The following SLIT1 variants were observed in gnomAD, a reference collection of about 807,000 sequenced individuals.
SLIT1 encodes the protein slit guidance ligand 1, also known as slit homolog 1 protein.
SLIT1 carries 66 observed loss-of-function variants against 186.1 expected under a neutral mutation model. The ratio of observed to expected loss-of-function variants is 0.35; its 90% CI spans 0.29 to 0.44. The LOEUF (loss-of-function observed/expected upper bound fraction) is 0.44, where lower values mean the gene tolerates loss of function less well. Among genes scored for constraint, SLIT1 ranks in the 20% least tolerant of loss-of-function variants. The pLI is 1.00. For synonymous variants in SLIT1, 761 were observed against 833.8 expected (o/e 0.91, Z 1.50); for missense variants, 1,638 against 2,037.4 (o/e 0.80, Z 3.77).
At chr10:97,135,527 G>A (rs549007133) in intron 4 of SLIT1, among the ~76,000 whole-genome samples, 12 of 152,162 alleles carry the variant, frequency 7.9e-5, no homozygotes, top group Non-Finnish European at 1.3e-4. Context: ...CAAGCTCAGC[G>A]TCCTGGGAAC....
chr10:97,022,186 C>T lies in SLIT1; in HGVS notation c.2583-773G>A, dbSNP rs1030975950. The stretch of plus-strand genomic sequence containing the variant: ...CTCTCCATCTCAAAGATGTGGGCAC[C>T]GAGCCTCCCATGGAATAAGTAATTT... On this transcript the variant is annotated intron_variant, in intron 25 of 36. Transcript: ENST00000266058. The surrounding 1 kb of genome is among the most constrained non-coding windows in gnomAD (Gnocchi z 4.2). 3.3e-5 allele frequency among the ~76,000 whole-genome samples: 5 copies of T among 152,184 alleles called. No individual in the cohort carries two copies. Among genetic ancestry groups the T allele is most frequent in the South Asian group, 2.1e-4 (1 of 4,828 alleles).
At chr10:97,133,733 A>C (rs1740299693) in intron 4 of SLIT1, among the ~76,000 whole-genome samples, 1 of 152,180 alleles carries the variant, frequency 6.6e-6, no homozygotes, top group African/African-American at 2.4e-5. Context: ...GATTACATAT[A>C]ATGACATATC....
intron 23 of SLIT1, among the ~76,000 whole-genome samples, chr10:97,034,157 G>A (rs1021299558): frequency 2.6e-5 from 4 of 152,160 alleles, no homozygotes; most frequent in East Asian, 1.9e-4. Context: ...GAGCCACTGC[G>A]CCTGGCCGAG....
At chr10:97,157,287 C>T (rs1849964334) in intron 4 of SLIT1, 1 of 152,436 alleles carries the variant, frequency 6.6e-6, no homozygotes, top group African/African-American at 2.4e-5. Flanking sequence ...CATGGTGCAG[C>T]AGAATTAGCA....
Position 97,004,823 on chromosome 10 carries a change from C to T in SLIT1, c.3580G>A (p.Val1194Ile), listed in dbSNP as rs1206501951. 1 of 1,614,124 alleles carries T rather than the reference C, an allele frequency of 6.2e-7. No individual in the cohort carries two copies. The highest frequency in any genetic ancestry group is 1.7e-5 in the Admixed American group (1 of 60,014). Residue 1194 changes from valine to isoleucine, a missense_variant and splice_region_variant, in exon 33 of 37, where the codon GTC becomes ATC. This residue lies in a region of SLIT1 where 173 missense variants were observed against 290.9 expected (regional missense o/e 0.59). Transcript: ENST00000266058. The surrounding 1 kb of genome is among the most constrained non-coding windows in gnomAD (Gnocchi z 5.1). ...NWPRANITLQVSTAEDNGILL... is the reference protein window; with the variant it reads ...NWPRANITLQISTAEDNGILL... ...ATCCCATTGTCCTCTGCCGTGGAGA[C>T]CTGATGGGCAGTGGCACTTTCTCTC...
At chr10:97,133,559 A>G (rs1233035635) in intron 4 of SLIT1, among the ~76,000 whole-genome samples, 2 of 152,222 alleles carry the variant, frequency 1.3e-5, no homozygotes, top group Non-Finnish European at 2.9e-5. Flanking sequence ...AGTTTTATGA[A>G]GTCAAAATGT....
intron 4 of SLIT1, among the ~76,000 whole-genome samples, chr10:97,149,723 T>C (rs779794114): frequency 1.3e-5 from 2 of 152,116 alleles, no homozygotes; most frequent in Non-Finnish European, 2.9e-5. Flanking sequence ...GGTAAGTATG[T>C]GGGTTTGGGG....
chr10:97,059,466 T>A lies in SLIT1; in HGVS notation c.1079A>T (p.Asn360Ile). ...PDAFQGLRSL[N>I]SLVLYGNKIT... The stretch of plus-strand genomic sequence containing the variant: ...CCTTGGCACTGCTACTCACAGCGAG[T>A]TCAGGGAGCGGAGGCCCTGGAAGGC... Residue 360 changes from asparagine to isoleucine, a missense_variant, in exon 11 of 37, where the codon AAC (asparagine) becomes ATC (isoleucine). Transcript: ENST00000266058. 6.2e-7 allele frequency: 1 copy of A among 1,613,528 alleles called. No homozygotes were observed. The highest frequency in any genetic ancestry group is 8.5e-7 in the Non-Finnish European group (1 of 1,179,868).
rs1019719321 is a variant in SLIT1 at position 97,185,414 on chromosome 10, G to A, written c.197+64C>T. 7.6e-5 allele frequency: 116 copies of A among 1,522,412 alleles called. 1 individual carries two copies. Among genetic ancestry groups the A allele is most frequent in the Non-Finnish European group, 9.7e-5 (108 of 1,118,202 alleles). The allele number at this position is 1,522,412 out of a possible 1,614,324, so 94.3% of individuals were successfully genotyped here. ...GGTCCTGCCCCCACCCCCAAGTCCG[G>A]AATTGCGTCTGGGTGGGAGGGCAAC... is the stretch of plus-strand genomic sequence containing the variant. On this transcript the variant is annotated intron_variant, in intron 1 of 36. Transcript: ENST00000266058.
chr10:97,091,356 T>G (rs2134663330), intron 4 of SLIT1, among the ~76,000 whole-genome samples: 1 of 152,330 alleles, frequency 6.6e-6, no homozygotes, highest in East Asian at 1.9e-4. Context: ...CACTACTGAT[T>G]AGGGTCTGTC....
In SLIT1 at chr10:97,042,982, TC is replaced by T; in HGVS notation, c.2082del (p.Asn695ThrfsTer97). The T allele has an allele frequency of 6.2e-7, 1 of 1,614,234 alleles. No homozygotes were observed. Among genetic ancestry groups the T allele is most frequent in the Non-Finnish European group, 8.5e-7 (1 of 1,180,044 alleles). On this transcript the variant is annotated frameshift_variant, in exon 20 of 37. Transcript: ENST00000266058. LOFTEE classifies it high-confidence loss of function. ...AAGTCAGGGTTCTGGCATCGCGGGT[TC>T]CCCGTCACGATCTTGCGCTTCCGTA... Reference protein sequence around the residue: ...GWLRKRKIVTGNPRCQNPDFL... With the variant: ...GWLRKRKIVTXNPRCQNPDFL...
At chr10:97,039,290 C>G (rs1848669071) in intron 21 of SLIT1, among the ~76,000 whole-genome samples, 1 of 152,188 alleles carries the variant, frequency 6.6e-6, no homozygotes, top group Non-Finnish European at 1.5e-5. Context: ...AGTCCCAGCT[C>G]TCCATTCCTG....
intron 4 of SLIT1, chr10:97,103,657 T>G (rs1161744495): frequency 2.0e-5 from 3 of 152,192 alleles, no homozygotes; most frequent in African/African-American, 4.8e-5. Context: ...TGCAACGCCC[T>G]CAATTAATGA....
At chr10:97,089,898 G>T (rs1427317294) in intron 4 of SLIT1, among the ~76,000 whole-genome samples, 3 of 152,212 alleles carry the variant, frequency 2.0e-5, no homozygotes, top group African/African-American at 7.2e-5. Flanking sequence ...GTGACTCTGA[G>T]CTTGTCCCCT....
At chr10:97,140,521 C>T (rs1370807313) in intron 4 of SLIT1, among the ~76,000 whole-genome samples, 1 of 152,206 alleles carries the variant, frequency 6.6e-6, no homozygotes, top group African/African-American at 2.4e-5. Context: ...CCTCATTCTC[C>T]ATAAACACAC....
intron 1 of SLIT1, among the ~76,000 whole-genome samples, chr10:97,182,971 G>GAAA (rs11410736): frequency 8.4e-5 from 12 of 143,172 alleles, no homozygotes; most frequent in South Asian, 2.2e-4. Flanking sequence ...TACAAAAAAG[G>GAAA]AAAAAAAAAA....
intron 4 of SLIT1, among the ~76,000 whole-genome samples, chr10:97,089,381 A>T (rs746345638): frequency 5.6e-4 from 85 of 152,326 alleles, no homozygotes; most frequent in Admixed American, 1.4e-3. Context: ...CGCACCTGAC[A>T]GCCAGCTAAG....
chr10:97,019,558 G>A (rs1452807868), intron 26 of SLIT1, among the ~76,000 whole-genome samples: 1 of 152,186 alleles, frequency 6.6e-6, no homozygotes, highest in Non-Finnish European at 1.5e-5. Context: ...GAGAGGAGAC[G>A]GTGACTTTGT....
At chr10:97,087,245 G>A (rs886549823) in intron 4 of SLIT1, among the ~76,000 whole-genome samples, 2 of 151,352 alleles carry the variant, frequency 1.3e-5, no homozygotes, top group African/African-American at 4.9e-5. Flanking sequence ...AAATGACAAA[G>A]GTCCCTGAAC....
Sources: gnomAD v4.1 joint callset for allele counts (sites outside exome capture counted in the v4.1 genomes callset) on GRCh38, gnomAD v4.1.1 for gene constraint, gnomAD v4.1.1 regional missense constraint, Gnocchi (gnomAD v3.1) non-coding constraint, MANE v1.5 for transcripts, NCBI Gene and HGNC (gene_info 2026-07-23, HGNC 2026-07-21) for gene names.